The following OXNAD1 variants were observed in gnomAD, a reference collection of about 807,000 sequenced individuals.
OXNAD1 encodes oxidoreductase NAD-binding domain-containing protein 1.
A neutral mutation model predicts 32.9 loss-of-function variants in OXNAD1; 34 were observed. The ratio of observed to expected loss-of-function variants is 1.03; its 90% CI spans 0.79 to 1.38. The LOEUF is 1.38. Among genes scored for constraint, OXNAD1 ranks in the 40% most tolerant of loss-of-function variants. The pLI is 0.00. For synonymous variants in OXNAD1, 134 were observed against 135.2 expected (o/e 0.99, Z 0.06); for missense variants, 407 against 379.4 (o/e 1.07, Z -0.60).
chr3:16,268,572 C>G (rs908815293), intron 1 of OXNAD1, among the ~76,000 whole-genome samples: 14 of 152,020 alleles, frequency 9.2e-5, no homozygotes, highest in African/African-American at 3.1e-4. Flanking sequence ...CTCAGGCGAT[C>G]TACCCACCTC....
rs1467900659 is a variant in OXNAD1, at chr3:16,280,442, G to A, written c.184-5900G>A. Among the ~76,000 whole-genome samples the A allele has an allele frequency of 2.0e-5, 3 of 151,988 alleles. No individual in the cohort carries two copies. Among genetic ancestry groups the A allele is most frequent in the Non-Finnish European group, 4.4e-5 (3 of 68,024 alleles). Reference sequence around the variant, plus strand: ...GTCTACCTTTGTTAGTAAATCACTTGAGTAAAATCTGCTTCTAGTCAGATT... The same window carrying A: ...GTCTACCTTTGTTAGTAAATCACTTAAGTAAAATCTGCTTCTAGTCAGATT... On this transcript the variant is annotated intron_variant, in intron 4 of 8. Coordinates refer to ENST00000285083, the MANE Select transcript of OXNAD1 (RefSeq NM_138381.5). This position sits in a 1 kb window ranked among gnomAD's most constrained non-coding sequence, Gnocchi z 4.5.
rs2067443855 is a variant in OXNAD1, at chr3:16,304,981, G to A, written c.*1419G>A. The stretch of plus-strand genomic sequence containing the variant: ...TTTGAATTTGGGGAGGAAGGGAGGA[G>A]CTACTGACCTGATGGGAATATCATA... On this transcript the variant is annotated 3_prime_UTR_variant, in exon 9 of 9. Transcript: ENST00000285083. The surrounding 1 kb of genome is among the most constrained non-coding windows in gnomAD (Gnocchi z 4.6). 6.6e-6 allele frequency: 1 copy of A among 152,168 alleles called. No individual in the cohort carries two copies. 9.4% of individuals were successfully genotyped at this position (152,168 alleles called of 1,614,324 possible).
In OXNAD1 at chr3:16,336,359, G is replaced by A. The variant is rs530092813; in HGVS notation, c.*31-753G>A. ...AACAAGCACATGGTTCCCATCCAGT[G>A]GAGCCCATGGAGGTGAGGTGGAGGG... On this transcript the variant is annotated intron_variant, in intron 9 of 9. Transcript: ENST00000435829. The surrounding 1 kb of genome is among the most constrained non-coding windows in gnomAD (Gnocchi z 6.0). Among the ~76,000 whole-genome samples the A allele has an allele frequency of 2.0e-5, 3 of 152,266 alleles. No homozygotes were observed. The highest frequency in any genetic ancestry group is 2.9e-5 in the Non-Finnish European group (2 of 68,014).
rs1359212082 is a variant in OXNAD1 at position 16,303,806 on chromosome 3, T to C, written c.*244T>C. The C allele has an allele frequency of 2.9e-6, 1 of 342,970 alleles. No individual in the cohort carries two copies. Among genetic ancestry groups the C allele is most frequent in the Non-Finnish European group, 5.3e-6 (1 of 188,576 alleles). 21.2% of individuals were successfully genotyped at this position (342,970 alleles called of 1,614,324 possible). A position where few individuals can be genotyped will look rare whatever the true frequency, so the allele number is the denominator to read the frequency against. ...TTTTCTGTTATTAACAACGATTTAA[T>C]TGTCTCATGATGTACCATGATTGGT... On this transcript the variant is annotated 3_prime_UTR_variant, in exon 9 of 9. Transcript: ENST00000285083. The surrounding 1 kb of genome is among the most constrained non-coding windows in gnomAD (Gnocchi z 4.8).
In OXNAD1 at chr3:16,282,842, T is replaced by C. The variant is rs1027889673; in HGVS notation, c.184-3500T>C. Among the ~76,000 whole-genome samples, 4 of 149,746 alleles carry C rather than the reference T, an allele frequency of 2.7e-5. No homozygotes were observed. The South Asian group carries it at 6.5e-4, about 24-fold the overall frequency. On this transcript the variant is annotated intron_variant, in intron 4 of 8. Coordinates refer to ENST00000285083, the MANE Select transcript of OXNAD1 (RefSeq NM_138381.5). ...CAGCTTTTTTTTTTTTTTTTTTTTTTTCGGTGATTGAGTAGTAGAGAGCCG... is the reference window on the plus strand; with the variant it reads ...CAGCTTTTTTTTTTTTTTTTTTTTTCTCGGTGATTGAGTAGTAGAGAGCCG...
intron 4 of OXNAD1, among the ~76,000 whole-genome samples, chr3:16,285,395 G>T (rs1467289160): frequency 6.6e-6 from 1 of 152,160 alleles, no homozygotes; most frequent in Non-Finnish European, 1.5e-5. Context: ...GCTATATTTT[G>T]GTTAGTTGCT....
intron 9 of OXNAD1, among the ~76,000 whole-genome samples, chr3:16,332,410 A>G (rs576483003): frequency 3.1e-5 from 3 of 98,354 alleles, no homozygotes; most frequent in South Asian, 5.8e-4. Flanking sequence ...TTATCTTTTG[A>G]TTGCTTCTTT....
downstream of OXNAD1, among the ~76,000 whole-genome samples, chr3:16,309,752 C>T (rs2067837989): frequency 6.6e-6 from 1 of 152,190 alleles, no homozygotes; most frequent in Admixed American, 6.5e-5. Flanking sequence ...AACTTGTTTC[C>T]TGTGTGACTC....
chr3:16,272,885 C>G (rs2065055651), intron 4 of OXNAD1, among the ~76,000 whole-genome samples: 1 of 151,704 alleles, frequency 6.6e-6, no homozygotes, highest in Non-Finnish European at 1.5e-5. Context: ...AGGCTCTTTC[C>G]TGTTGTATTT....
chr3:16,303,341 A>G lies in OXNAD1; in HGVS notation c.785-67A>G, dbSNP rs2067317400. The G allele has an allele frequency of 6.5e-7, 1 of 1,540,132 alleles. No individual in the cohort carries two copies. Among genetic ancestry groups the G allele is most frequent in the Non-Finnish European group, 8.9e-7 (1 of 1,122,200 alleles). ...TAAACACTGTATCTGAATTGTGGTTAGTCCTTCCTCATTTGCTGATACAAC... is the reference window on the plus strand; with the variant it reads ...TAAACACTGTATCTGAATTGTGGTTGGTCCTTCCTCATTTGCTGATACAAC... On this transcript the variant is annotated intron_variant, in intron 8 of 8. Coordinates refer to ENST00000285083, the MANE Select transcript of OXNAD1 (RefSeq NM_138381.5). The surrounding 1 kb of genome is among the most constrained non-coding windows in gnomAD (Gnocchi z 4.8).
rs2066145803 is a variant in OXNAD1 at position 16,287,385 on chromosome 3, A to C, written c.290+937A>C. Among the ~76,000 whole-genome samples, 3 of 152,172 alleles carry C rather than the reference A, an allele frequency of 2.0e-5. No individual in the cohort carries two copies. Among genetic ancestry groups the C allele is most frequent in the Admixed American group, 1.3e-4 (2 of 15,272 alleles). ...CTTGTGTGTTAATAGTTTGCCTTTGAATTTAGAACTAGAAAACAAGATGCT... is the reference window on the plus strand; with the variant it reads ...CTTGTGTGTTAATAGTTTGCCTTTGCATTTAGAACTAGAAAACAAGATGCT... On this transcript the variant is annotated intron_variant, in intron 5 of 8. Coordinates refer to ENST00000285083, the MANE Select transcript of OXNAD1 (RefSeq NM_138381.5). This position sits in a 1 kb window ranked among gnomAD's most constrained non-coding sequence, Gnocchi z 4.8.
rs1382823060 is a variant in OXNAD1 at position 16,334,194 on chromosome 3, C to A, written c.*31-2918C>A. ...CAAAAACAAAAACAAAAAACAACAA[C>A]AAAAAATACCCTGAGATACTATTTT... On this transcript the variant is annotated intron_variant, in intron 9 of 9. Coordinates refer to the OXNAD1 transcript ENST00000435829. This position sits in a 1 kb window ranked among gnomAD's most constrained non-coding sequence, Gnocchi z 4.3. Among the ~76,000 whole-genome samples the A allele has an allele frequency of 1.3e-5, 2 of 152,030 alleles. No homozygotes were observed. The highest frequency in any genetic ancestry group is 4.8e-5 in the African/African-American group (2 of 41,388).
At chr3:16,347,760 G>C (rs2071831664) in intron 9 of OXNAD1, 1 of 152,102 alleles carries the variant, frequency 6.6e-6, no homozygotes, top group Non-Finnish European at 1.5e-5. Flanking sequence ...TAAGCATTTT[G>C]TTTAAAATTA....
chr3:16,309,964 T>G (rs181436136), downstream of OXNAD1, among the ~76,000 whole-genome samples: 89 of 152,346 alleles, frequency 5.8e-4, no homozygotes, highest in Middle Eastern at 3.4e-3. Context: ...GGATGACTAT[T>G]GTTTGTATCT....
At chr3:16,269,371 T>G in intron 2 of OXNAD1, 96 bp downstream of exon 2, 1 of 1,319,622 alleles carries the variant, frequency 7.6e-7, no homozygotes, top group Non-Finnish European at 1.0e-6. Context: ...TTGAATGAGG[T>G]TGAAGAGGCC....
chr3:16,285,738 G>A (rs77352798), intron 4 of OXNAD1, among the ~76,000 whole-genome samples: 4,771 of 152,212 alleles, frequency 0.031, 106 homozygotes, highest in Middle Eastern at 0.082. Context: ...AAAATATCGT[G>A]TGATAAAAAA....
At chr3:16,324,620 C>A (rs570842581) in intron 9 of OXNAD1, among the ~76,000 whole-genome samples, 10 of 142,888 alleles carry the variant, frequency 7.0e-5, no homozygotes, top group Non-Finnish European at 1.5e-4. Flanking sequence ...CTGACCCCCC[C>A]CCTTTTAAGG....
At chr3:16,268,294 A>G (rs1012438753) in intron 1 of OXNAD1, among the ~76,000 whole-genome samples, 1 of 135,270 alleles carries the variant, frequency 7.4e-6, no homozygotes, top group African/African-American at 2.7e-5. Flanking sequence ...ATAAAATCTT[A>G]GGATTTTAAA....
At position 16,303,758 on chromosome 3, in the gene OXNAD1, CA is replaced by C. The variant is rs2067352697; in HGVS notation, c.*199del. On this transcript the variant is annotated 3_prime_UTR_variant, in exon 9 of 9. Transcript: ENST00000285083. This position sits in a 1 kb window ranked among gnomAD's most constrained non-coding sequence, Gnocchi z 4.8. ...AACTTTTTGCAAAGACCTCAGTGAT[CA>C]AACTATTTTTTACTATACTGATTTT... 2.0e-6 allele frequency: 1 copy of C among 496,938 alleles called. No individual in the cohort carries two copies. Among genetic ancestry groups the C allele is most frequent in the African/African-American group, 1.9e-5 (1 of 51,430 alleles). The allele number at this position is 496,938 out of a possible 1,614,324, so 30.8% of individuals were successfully genotyped here. A position where few individuals can be genotyped will look rare whatever the true frequency, so the allele number is the denominator to read the frequency against.
Sources: allele counts gnomAD v4.1 joint callset (sites outside exome capture counted in the v4.1 genomes callset), GRCh38; gene constraint gnomAD v4.1.1; non-coding constraint Gnocchi (gnomAD v3.1); transcripts MANE v1.5; gene names NCBI Gene and HGNC (gene_info 2026-07-23, HGNC 2026-07-21).